Variants in PCLO observed in about 807,000 individuals in gnomAD.
PCLO encodes the protein protein piccolo.
Under a neutral mutation model 427.5 loss-of-function variants are expected in PCLO, and 82 were observed. The ratio of observed to expected loss-of-function variants is 0.19; its 90% confidence interval spans 0.16 to 0.23. PCLO has a LOEUF of 0.23. Ranked by LOEUF, PCLO falls within the 10% of genes least tolerant of loss-of-function variation. The probability of loss-of-function intolerance (pLI) is 1.00; values close to 1 mark genes in which losing one functional copy is unlikely to be tolerated. For synonymous variants in PCLO, 2,357 were observed against 2,155.4 expected (o/e 1.09, Z -2.59); for missense variants, 6,239 against 6,115.9 (o/e 1.02, Z -0.67).
intron 5 of PCLO, 133 bp from the exon 6 acceptor site, chr7:82,951,623 G>C (rs1029370995): frequency 2.4e-6 from 2 of 848,548 alleles, no homozygotes; most frequent in Admixed American, 2.9e-5. Flanking sequence ...AATTATATGC[G>C]GAATGAAAGC....
chr7:83,083,865 C>G (rs1790165285), intron 3 of PCLO, among the ~76,000 whole-genome samples: 1 of 152,080 alleles, frequency 6.6e-6, no homozygotes, highest in Non-Finnish European at 1.5e-5. Context: ...TTTAAAGGAG[C>G]TAATACATTT....
chr7:82,878,502 T>C (rs1562832736), intron 10 of PCLO, among the ~76,000 whole-genome samples: 1 of 152,190 alleles, frequency 6.6e-6, no homozygotes, highest in South Asian at 2.1e-4. Flanking sequence ...ATCAAAACCT[T>C]GCAAACTATA....
chr7:82,792,958 T>C (rs948622899), intron 22 of PCLO, among the ~76,000 whole-genome samples: 5 of 151,932 alleles, frequency 3.3e-5, no homozygotes, highest in African/African-American at 4.8e-5. Flanking sequence ...TTGGTTCTTA[T>C]ATGGCAAGCT....
chr7:83,043,912 C>CTTTTTTT (rs869061778), intron 3 of PCLO, among the ~76,000 whole-genome samples: 7 of 94,916 alleles, frequency 7.4e-5, no homozygotes, highest in South Asian at 3.8e-4. Flanking sequence ...CTATTATTTT[C>CTTTTTTT]TTTTTTTTTT....
intron 17 of PCLO, among the ~76,000 whole-genome samples, chr7:82,827,410 G>T (rs1791971078): frequency 6.6e-6 from 1 of 151,986 alleles, no homozygotes; most frequent in African/African-American, 2.4e-5. Flanking sequence ...GCACCACAAT[G>T]CCAGATTCTT....
intron 3 of PCLO, among the ~76,000 whole-genome samples, chr7:83,073,913 TA>T (rs1404676285): frequency 6.6e-6 from 1 of 151,582 alleles, no homozygotes; most frequent in African/African-American, 2.4e-5. Context: ...TCAGAGCAAT[TA>T]AAACAAGTCC....
chr7:82,958,549 C>G (rs1202436595), intron 4 of PCLO, among the ~76,000 whole-genome samples: 3 of 152,046 alleles, frequency 2.0e-5, no homozygotes, highest in African/African-American at 7.2e-5. Context: ...AATGATTTTG[C>G]TGAATTTACA....
intron 22 of PCLO, among the ~76,000 whole-genome samples, chr7:82,783,548 G>T (rs761577228): frequency 6.6e-5 from 10 of 152,118 alleles, no homozygotes; most frequent in Non-Finnish European, 1.3e-4. Flanking sequence ...CGTGAACCCG[G>T]GAGGCGGAGC....
At chr7:83,106,032 A>T (rs921879323) in intron 3 of PCLO, among the ~76,000 whole-genome samples, 1 of 152,236 alleles carries the variant, frequency 6.6e-6, no homozygotes, top group African/African-American at 2.4e-5. Context: ...CAAGTAGACT[A>T]GGTCATAGGA....
chr7:82,914,557 A>C (rs1231734457), intron 7 of PCLO, 129 bp downstream of exon 7: 1 of 871,700 alleles, frequency 1.1e-6, no homozygotes, highest in East Asian at 2.6e-5. Flanking sequence ...CAAGAAATAA[A>C]ATTGAAGTAA....
At position 82,789,646 on chromosome 7, in the gene PCLO, A is replaced by C. The variant is rs557192248; in HGVS notation, c.15007+11872T>G. On this transcript the variant is annotated intron_variant, in intron 22 of 24. Coordinates refer to ENST00000333891, the MANE Select transcript of PCLO (RefSeq NM_033026.6). ...CTTGAAGCTGGAAGGTGGAGGTTGC[A>C]GTGAGTCGAGATCGCACCACTGCGC... 3.9e-5 allele frequency among the ~76,000 whole-genome samples: 6 copies of C among 152,314 alleles called. No individual in the cohort carries two copies. The East Asian group carries it at 1.2e-3, about 29-fold the overall frequency.
At chr7:83,144,715 T>G (rs1256037558) in intron 2 of PCLO, among the ~76,000 whole-genome samples, 1 of 152,156 alleles carries the variant, frequency 6.6e-6, no homozygotes, top group Admixed American at 6.5e-5. Context: ...GACTATTTCT[T>G]TAACCCATTT....
intron 6 of PCLO, among the ~76,000 whole-genome samples, chr7:82,942,748 T>C (rs1398312662): frequency 6.6e-6 from 1 of 152,106 alleles, no homozygotes; most frequent in East Asian, 1.9e-4. Context: ...AGTTGGATGT[T>C]AAAATGCAAT....
intron 12 of PCLO, 50 bp from the exon 13 acceptor site, chr7:82,845,535 T>C (rs750334919): frequency 8.0e-7 from 1 of 1,248,760 alleles, no homozygotes; most frequent in Non-Finnish European, 1.2e-6. Flanking sequence ...CATAGGTACT[T>C]TATACCATGG....
At chr7:82,979,269 T>C (rs1006125276) in intron 3 of PCLO, among the ~76,000 whole-genome samples, 2 of 152,160 alleles carry the variant, frequency 1.3e-5, no homozygotes, top group African/African-American at 2.4e-5. Flanking sequence ...TGGTAAAAAT[T>C]TGAAAAATTT....
intron 6 of PCLO, among the ~76,000 whole-genome samples, chr7:82,942,059 T>C (rs1347814827): frequency 6.6e-6 from 1 of 152,236 alleles, no homozygotes; most frequent in Non-Finnish European, 1.5e-5. Context: ...GGTGCCTGTA[T>C]TCCCAGCTAT....
Position 82,950,894 on chromosome 7 carries a change from C to T in PCLO, c.9694G>A (p.Ala3232Thr), listed in dbSNP as rs1235254976. ...ELEKIKQQRF[A>T]EELEWERQEI... ...TGACGTTCCCACTCCAATTCCTCAG[C>T]AAAGCGCTGTTGCTTAATTTTCTCC... is the stretch of plus-strand genomic sequence containing the variant. The change falls in exon 6 of 25, where the codon GCT (alanine) becomes ACT (threonine). Residue 3232 changes from alanine to threonine, a missense_variant. Physicochemically the swap from Ala to Thr is moderately conservative, Grantham distance 58. Transcript: ENST00000333891. 1 of 1,613,496 alleles carries T rather than the reference C, an allele frequency of 6.2e-7. No individual in the cohort carries two copies. The highest frequency in any genetic ancestry group is 1.1e-5 in the South Asian group (1 of 91,090).
chr7:82,785,943 T>C (rs1790975640), intron 22 of PCLO, among the ~76,000 whole-genome samples: 1 of 152,148 alleles, frequency 6.6e-6, no homozygotes, highest in South Asian at 2.1e-4. Flanking sequence ...GCTAGAGTTA[T>C]ATGGTTCATG....
intron 9 of PCLO, chr7:82,880,494 T>C: frequency 3.4e-6 from 1 of 290,974 alleles, no homozygotes; most frequent in Non-Finnish European, 7.2e-6. Context: ...TCCTCCTGCC[T>C]CGGCCTCTCA....
Sources: gnomAD v4.1 joint callset for allele counts (sites outside exome capture counted in the v4.1 genomes callset) on GRCh38, gnomAD v4.1.1 for gene constraint, MANE v1.5 for transcripts, NCBI Gene and HGNC (gene_info 2026-07-23, HGNC 2026-07-21) for gene names.